PAFAH1B1: variants seen among roughly 807,000 people sequenced by gnomAD.
PAFAH1B1 encodes the protein platelet activating factor acetylhydrolase 1b regulatory subunit 1.
In PAFAH1B1, 2 loss-of-function variants were observed where a neutral mutation model predicts 57.5. That is an observed-to-expected ratio of 0.03 (90% confidence interval 0.01 to 0.11). The LOEUF is 0.11. Among genes scored for constraint, PAFAH1B1 ranks in the 10% least tolerant of loss-of-function variants. The probability of loss-of-function intolerance (pLI) is 1.00; values close to 1 mark genes in which losing one functional copy is unlikely to be tolerated. For missense variants in PAFAH1B1, 257 were observed against 512.0 expected (o/e 0.50, Z 4.81); for synonymous variants, 152 against 169.6 (o/e 0.90, Z 0.81).
Position 2,676,426 on chromosome 17 carries a change from C to G in PAFAH1B1, c.901-79C>G, listed in dbSNP as rs115257538. 7,772 of 885,910 alleles carry G rather than the reference C, an allele frequency of 8.8e-3. 244 individuals are homozygous for G. Among genetic ancestry groups the G allele is most frequent in the African/African-American group, 0.079 (4,717 of 59,584 alleles). The allele number at this position is 885,910 out of a possible 1,614,324, so 54.9% of individuals were successfully genotyped here. On this transcript the variant is annotated intron_variant, in intron 8 of 10. Coordinates refer to ENST00000397195, the MANE Select transcript of PAFAH1B1 (RefSeq NM_000430.4). ...CAACAAAAAAATTGGAAATATATAT[C>G]ATTATTAGATAGAAGCCATTTAAAG...
intron 1 of PAFAH1B1, among the ~76,000 whole-genome samples, chr17:2,634,875 C>G (rs933973847): frequency 6.6e-6 from 1 of 152,204 alleles, no homozygotes; most frequent in Non-Finnish European, 1.5e-5. Context: ...ATGTAAAGAC[C>G]AAGTCCAGCC....
chr17:2,603,913 T>A (rs1047608296), intron 1 of PAFAH1B1, among the ~76,000 whole-genome samples: 4 of 151,800 alleles, frequency 2.6e-5, no homozygotes, highest in African/African-American at 9.7e-5. Flanking sequence ...AATTTTTGTA[T>A]TTTTAGTAGA....
At chr17:2,623,554 G>A (rs948718936) in intron 1 of PAFAH1B1, among the ~76,000 whole-genome samples, 12 of 151,406 alleles carry the variant, frequency 7.9e-5, no homozygotes, top group African/African-American at 2.9e-4. Context: ...CACTGCGTCT[G>A]GCCAAAAAAT....
Position 2,605,762 on chromosome 17 carries a change from G to T in PAFAH1B1, c.-191+11756G>T, listed in dbSNP as rs188954067. Among the ~76,000 whole-genome samples, 813 of 151,996 alleles carry T rather than the reference G, an allele frequency of 5.3e-3. 4 individuals are homozygous for T. Among genetic ancestry groups the T allele is most frequent in the Non-Finnish European group, 6.9e-3 (470 of 67,974 alleles). On this transcript the variant is annotated intron_variant, in intron 1 of 10. Coordinates refer to ENST00000397195, the MANE Select transcript of PAFAH1B1 (RefSeq NM_000430.4). ...GTACCTATTTTTCTCTTCTTCTAGC[G>T]TATATAAAATGTATTATCTGACGTG...
chr17:2,652,332 G>A lies in PAFAH1B1; in HGVS notation c.33-13040G>A, dbSNP rs530040463. 1.1e-3 allele frequency among the ~76,000 whole-genome samples: 170 copies of A among 152,242 alleles called. 1 individual carries two copies. The highest frequency in any genetic ancestry group is 1.2e-3 in the African/African-American group (50 of 41,564). ...CGGGAGGCTGAGGCAGGAGAATGGC[G>A]TGAACCCGGGAGGCGGAGCTTGCAG... On this transcript the variant is annotated intron_variant, in intron 2 of 10. Transcript: ENST00000397195.
chr17:2,667,468 T>C, intron 5 of PAFAH1B1: 1 of 378,002 alleles, frequency 2.6e-6, no homozygotes, highest in South Asian at 2.4e-5. Context: ...TGGAATAAAA[T>C]ATCATTGTGG....
At chr17:2,679,533 G>A (rs1448813763) in intron 9 of PAFAH1B1, among the ~76,000 whole-genome samples, 1 of 142,190 alleles carries the variant, frequency 7.0e-6, no homozygotes, top group Non-Finnish European at 1.5e-5. Context: ...TGATTGGATG[G>A]ATGGATGGAT....
intron 1 of PAFAH1B1, among the ~76,000 whole-genome samples, chr17:2,606,810 C>CTTTTTTTTTTTTTTTTT (rs770011553): frequency 9.8e-6 from 1 of 101,714 alleles, no homozygotes; most frequent in Non-Finnish European, 2.0e-5. Flanking sequence ...TGCCTCAGAG[C>CTTTTTTTTTTTTTTTTT]TTTTTTTTTT....
chr17:2,645,431 A>G (rs935397792), intron 2 of PAFAH1B1, among the ~76,000 whole-genome samples: 1 of 151,482 alleles, frequency 6.6e-6, no homozygotes, highest in Non-Finnish European at 1.5e-5. Flanking sequence ...CACCTCTACT[A>G]AAAATGCAAA....
At chr17:2,605,539 C>T (rs1024133251) in intron 1 of PAFAH1B1, among the ~76,000 whole-genome samples, 3 of 152,160 alleles carry the variant, frequency 2.0e-5, no homozygotes, top group Admixed American at 2.0e-4. Flanking sequence ...CATCCTGTTT[C>T]TTATTGCCTT....
intron 2 of PAFAH1B1, among the ~76,000 whole-genome samples, chr17:2,662,790 T>A (rs1284368471): frequency 6.6e-6 from 1 of 152,120 alleles, no homozygotes; most frequent in Non-Finnish European, 1.5e-5. Context: ...GTGACTGGTT[T>A]CAAAGAGGTG....
At chr17:2,670,461 A>T in intron 6 of PAFAH1B1, 130 bp downstream of exon 6, 1 of 906,830 alleles carries the variant, frequency 1.1e-6, no homozygotes, top group Non-Finnish European at 1.8e-6. Flanking sequence ...AGAGCATACC[A>T]TGTAGATAGT....
chr17:2,629,731 C>CT (rs1277347888), intron 1 of PAFAH1B1, among the ~76,000 whole-genome samples: 1 of 152,078 alleles, frequency 6.6e-6, no homozygotes, highest in Non-Finnish European at 1.5e-5. Flanking sequence ...TTTCTTAGGT[C>CT]TATTAGTAAT....
chr17:2,618,181 C>T (rs2068372670), intron 1 of PAFAH1B1, among the ~76,000 whole-genome samples: 2 of 151,398 alleles, frequency 1.3e-5, no homozygotes, highest in African/African-American at 2.4e-5. Flanking sequence ...CTGGGAGATG[C>T]GAGGTTGCAG....
rs1335643092 is a variant in PAFAH1B1 at position 2,674,123 on chromosome 17, T to C, written c.735T>C (p.Asp245=). The change falls in exon 8 of 11, where the codon GAT becomes GAC. Residue 245 remains aspartate, a synonymous_variant. Transcript: ENST00000397195. ...TACGTATGGTACGGCCAAATCAAGA[T>C]GGCACTCTGATAGCCAGCTGTTCCA... ...EWVRMVRPNQ[D]GTLIASCSND... The C allele has an allele frequency of 1.2e-6, 2 of 1,613,998 alleles. No homozygotes were observed. The highest frequency in any genetic ancestry group is 2.7e-5 in the African/African-American group (2 of 74,928).
intron 1 of PAFAH1B1, among the ~76,000 whole-genome samples, chr17:2,606,844 G>A (rs1204029430): frequency 7.6e-6 from 1 of 132,250 alleles, no homozygotes; most frequent in Non-Finnish European, 1.6e-5. Context: ...TTTTAAGACG[G>A]AGTCTCGCTC....
At chr17:2,620,996 CTAAAGA>C (rs966638574) in intron 1 of PAFAH1B1, among the ~76,000 whole-genome samples, 4 of 151,738 alleles carry the variant, frequency 2.6e-5, no homozygotes, top group African/African-American at 9.7e-5. Context: ...GTGTACAAAA[CTAAAGA>C]TAATTGAATA....
At chr17:2,602,434 A>C (rs2068154906) in intron 1 of PAFAH1B1, among the ~76,000 whole-genome samples, 1 of 152,200 alleles carries the variant, frequency 6.6e-6, no homozygotes, top group Admixed American at 6.5e-5. Context: ...ATAATACTTT[A>C]CGTGGGACTC....
chr17:2,644,914 G>A (rs988822260), intron 2 of PAFAH1B1, among the ~76,000 whole-genome samples: 1 of 152,126 alleles, frequency 6.6e-6, no homozygotes, highest in Admixed American at 6.5e-5. Flanking sequence ...CCTAATTTCA[G>A]ATGACTAAAT....
Sources: allele counts gnomAD v4.1 joint callset (sites outside exome capture counted in the v4.1 genomes callset), GRCh38; gene constraint gnomAD v4.1.1; transcripts MANE v1.5; gene names NCBI Gene and HGNC (gene_info 2026-07-23, HGNC 2026-07-21).